Variants in PVT1 observed in about 807,000 individuals in gnomAD.
The protein encoded by PVT1 is Pvt1 oncogene, also known as CXCR4/PVT1 fusion.
At chr8:128,028,054 G>A (rs1053011198) in intron 4 of PVT1, among the ~76,000 whole-genome samples, 12 of 152,160 alleles carry the variant, frequency 7.9e-5, no homozygotes, top group South Asian at 2.1e-4. Context: ...CCTCCGTCCC[G>A]CCACGGGCTC....
chr8:127,854,001 C>T (rs530099566), intron 2 of PVT1, among the ~76,000 whole-genome samples: 28 of 152,290 alleles, frequency 1.8e-4, no homozygotes, highest in African/African-American at 5.8e-4. Context: ...CCTCTGCCCC[C>T]AGCCCCACGT....
intron 3 of PVT1, among the ~76,000 whole-genome samples, chr8:127,915,828 G>A (rs1815977903): frequency 6.6e-6 from 1 of 152,230 alleles, no homozygotes; most frequent in Non-Finnish European, 1.5e-5. Flanking sequence ...TTCCTCTACA[G>A]TGGACAGGTT....
intron 3 of PVT1, among the ~76,000 whole-genome samples, chr8:127,911,449 T>C (rs1422156248): frequency 6.6e-6 from 1 of 152,214 alleles, no homozygotes; most frequent in African/African-American, 2.4e-5. Context: ...TTGCAAAGGC[T>C]CTTCAGGGCC....
intron 2 of PVT1, among the ~76,000 whole-genome samples, chr8:127,802,547 A>G (rs541944804): frequency 4.1e-4 from 62 of 151,960 alleles, no homozygotes; most frequent in Middle Eastern, 6.8e-3. Context: ...CTTTGATGTT[A>G]ATTACATATT....
At chr8:128,096,508 T>G (rs1371689029) in intron 5 of PVT1, 2 of 152,114 alleles carry the variant, frequency 1.3e-5, no homozygotes, top group Non-Finnish European at 2.9e-5. Context: ...TTTTTTCTCT[T>G]TCTCTCCAGA....
chr8:127,880,260 AG>A, intron 2 of PVT1, among the ~76,000 whole-genome samples: 1 of 152,266 alleles, frequency 6.6e-6, no homozygotes, highest in South Asian at 2.1e-4. Flanking sequence ...CTGTCTGTGT[AG>A]CTGGAATTAA....
chr8:127,844,935 G>A (rs1176199724), intron 2 of PVT1, among the ~76,000 whole-genome samples: 1 of 151,986 alleles, frequency 6.6e-6, no homozygotes, highest in African/African-American at 2.4e-5. Flanking sequence ...GGATGGTCTC[G>A]ATCTCCTGAC....
At chr8:127,845,947 C>A (rs942445701) in intron 2 of PVT1, among the ~76,000 whole-genome samples, 1 of 152,228 alleles carries the variant, frequency 6.6e-6, no homozygotes, top group Non-Finnish European at 1.5e-5. Flanking sequence ...TCACATCCCA[C>A]CCACACTTTG....
chr8:127,986,283 C>T (rs200931056), intron 3 of PVT1, among the ~76,000 whole-genome samples: 2 of 152,096 alleles, frequency 1.3e-5, no homozygotes, highest in East Asian at 3.9e-4. Flanking sequence ...CTCCTGGGAG[C>T]CTTGGAGGTC....
intron 5 of PVT1, among the ~76,000 whole-genome samples, chr8:128,082,529 A>G (rs986771037): frequency 2.6e-5 from 4 of 152,212 alleles, no homozygotes; most frequent in Admixed American, 2.6e-4. Flanking sequence ...CTCCCACTGT[A>G]CAGAACATCA....
chr8:128,046,405 G>T (rs1813613213), intron 4 of PVT1, among the ~76,000 whole-genome samples: 1 of 152,226 alleles, frequency 6.6e-6, no homozygotes, highest in Non-Finnish European at 1.5e-5. Context: ...GCAGAGCTGG[G>T]ATCTGAAGTC....
At chr8:127,803,295 A>T (rs527713573) in intron 2 of PVT1, 1 of 151,550 alleles carries the variant, frequency 6.6e-6, no homozygotes, top group Admixed American at 6.6e-5. Context: ...ACGCCCGGCT[A>T]AGTTTTTGTA....
intron 4 of PVT1, among the ~76,000 whole-genome samples, chr8:128,068,724 C>A (rs964394310): frequency 1.3e-5 from 2 of 152,310 alleles, no homozygotes; most frequent in African/African-American, 2.4e-5. Flanking sequence ...GATCTCCTGA[C>A]CTCGTGATCC....
intron 2 of PVT1, among the ~76,000 whole-genome samples, chr8:127,798,484 G>GC (rs1814423670): frequency 6.6e-6 from 1 of 151,986 alleles, no homozygotes; most frequent in Admixed American, 6.6e-5. Flanking sequence ...AGACAAAGGG[G>GC]CCAAGAGGCC....
At chr8:127,900,258 G>A (rs1226872970) in intron 3 of PVT1, among the ~76,000 whole-genome samples, 2 of 151,974 alleles carry the variant, frequency 1.3e-5, no homozygotes, top group East Asian at 1.9e-4. Context: ...AGCCAGGATG[G>A]TCTTGATCTT....
In PVT1 at chr8:127,876,274, G is replaced by GTA. The variant is rs1238916267; in HGVS notation, n.373-14314_373-14313insAT. On this transcript the variant is annotated intron_variant and non_coding_transcript_variant, in intron 2 of 10. Transcript: ENST00000651587. Reference sequence around the variant, plus strand: ...CAGCAGTGTGTGTGTGTGTGTGTGTGTGTGTGTGTATGTGTGGTTTCACAC... The same window carrying GTA: ...CAGCAGTGTGTGTGTGTGTGTGTGTGTATGTGTGTGTATGTGTGGTTTCACAC... Among the ~76,000 whole-genome samples, 7 of 151,906 alleles carry GTA rather than the reference G, an allele frequency of 4.6e-5. 1 individual carries two copies. The highest frequency in any genetic ancestry group is 2.1e-4 in the South Asian group (1 of 4,812).
At chr8:128,080,937 T>G (rs911897818) in intron 5 of PVT1, among the ~76,000 whole-genome samples, 1 of 152,260 alleles carries the variant, frequency 6.6e-6, no homozygotes, top group South Asian at 2.1e-4. Flanking sequence ...GAATGTCTGG[T>G]TGTTTCAGCA....
chr8:127,928,297 G>C (rs1460059883), intron 3 of PVT1, among the ~76,000 whole-genome samples: 6 of 151,690 alleles, frequency 4.0e-5, no homozygotes, highest in Admixed American at 3.9e-4. Flanking sequence ...CCTTACTCCT[G>C]ATGTTGCCTG....
At chr8:128,015,290 A>C (rs78820749) in intron 4 of PVT1, among the ~76,000 whole-genome samples, 18 of 151,994 alleles carry the variant, frequency 1.2e-4, no homozygotes, top group African/African-American at 4.3e-4. Context: ...GGTTTTCACT[A>C]TGTTGACCAG....
Sources: allele counts gnomAD v4.1 joint callset (sites outside exome capture counted in the v4.1 genomes callset), GRCh38; gene constraint gnomAD v4.1.1; transcripts MANE v1.5; gene names NCBI Gene and HGNC (gene_info 2026-07-23, HGNC 2026-07-21).